Variants in GZF1 observed in about 807,000 individuals in gnomAD.
GZF1 encodes the protein GDNF-inducible zinc finger protein 1.
A neutral mutation model predicts 49.4 loss-of-function variants in GZF1; 28 were observed. The ratio of observed to expected loss-of-function variants is 0.57; its 90% CI spans 0.42 to 0.78. GZF1 has a LOEUF of 0.78. Among genes scored for constraint, GZF1 ranks in the 30% least tolerant of loss-of-function variants. The pLI is 0.00. For missense variants in GZF1, 798 were observed against 916.2 expected (o/e 0.87, Z 1.67); for synonymous variants, 364 against 356.0 (o/e 1.02, Z -0.25).
chr20:23,363,645 A>G (rs1980953305), intron 1 of GZF1, among the ~76,000 whole-genome samples: 1 of 152,218 alleles, frequency 6.6e-6, no homozygotes. Flanking sequence ...TGGGAAACCA[A>G]TAAACTAGCC....
intron 4 of GZF1, 78 bp downstream of exon 4, chr20:23,369,007 A>C: frequency 7.8e-7 from 1 of 1,281,430 alleles, no homozygotes; most frequent in Middle Eastern, 1.9e-4. Context: ...TTTACCAGTA[A>C]ATTACTTGGA....
At chr20:23,369,938 T>C (rs577271236) in intron 5 of GZF1, among the ~76,000 whole-genome samples, 153 bp from the exon 6 acceptor site, 1 of 152,284 alleles carries the variant, frequency 6.6e-6, no homozygotes, top group East Asian at 1.9e-4. Context: ...GAAAGCACCA[T>C]CCACGATGAC....
At position 23,370,167 on chromosome 20, in the gene GZF1, A is replaced by C; in HGVS notation, c.1862A>C (p.Lys621Thr). The C allele has an allele frequency of 6.2e-7, 1 of 1,614,262 alleles. No individual in the cohort carries two copies. The highest frequency in any genetic ancestry group is 8.5e-7 in the Non-Finnish European group (1 of 1,180,046). The change falls in exon 6 of 6, where the codon AAG (lysine) becomes ACG (threonine). Residue 621 changes from lysine to threonine, a missense_variant. Physicochemically the swap from Lys to Thr is moderately conservative, Grantham distance 78. Around this residue, in one of 3 missense-constraint regions of GZF1, gnomAD observed 446 missense variants for 540.1 expected, o/e 0.83. Coordinates refer to ENST00000338121, the MANE Select transcript of GZF1 (RefSeq NM_022482.5). ...DGSPKNDDGH[K>T]TEQPDEEYVS... ...TCGCCCAAGAACGATGACGGACACA[A>C]GACTGAACAGCCTGACGAAGAGTAT...
At chr20:23,369,814 C>G in intron 5 of GZF1, 73 bp downstream of exon 5, 2 of 1,492,852 alleles carry the variant, frequency 1.3e-6, no homozygotes, top group Non-Finnish European at 1.8e-6. Context: ...ATACCTACCA[C>G]CATTCTCCAA....
In GZF1 at chr20:23,372,765, C is replaced by A. The variant is rs1033971803; in HGVS notation, c.*2324C>A. 6.6e-6 allele frequency: 1 copy of A among 152,236 alleles called. No homozygotes were observed. Among genetic ancestry groups the A allele is most frequent in the Non-Finnish European group, 1.5e-5 (1 of 68,084 alleles). The allele number at this position is 152,236 out of a possible 1,614,324, so 9.4% of individuals were successfully genotyped here. A position where few individuals can be genotyped will look rare whatever the true frequency, so the allele number is the denominator to read the frequency against. The stretch of plus-strand genomic sequence containing the variant: ...AAGTGGCCAGGTGCCGGCACAGTGC[C>A]TCTCCCAGAGCCTCAAGAAGGGCCA... On this transcript the variant is annotated 3_prime_UTR_variant, in exon 6 of 6. Coordinates refer to ENST00000338121, the MANE Select transcript of GZF1 (RefSeq NM_022482.5).
Position 23,365,663 on chromosome 20 carries a change from GCA to G in GZF1, c.1288_1289del (p.Thr430GlyfsTer36). ...AAGACAGCGCTGCGGCTGCACGAGC[GCA>G]CACACACGGGAGACCGGCCCTACGG... On this transcript the variant is annotated frameshift_variant, in exon 2 of 6. Coordinates refer to ENST00000338121, the MANE Select transcript of GZF1 (RefSeq NM_022482.5). LOFTEE classifies it high-confidence loss of function. The G allele has an allele frequency of 6.3e-7, 1 of 1,599,490 alleles. No individual in the cohort carries two copies. Among genetic ancestry groups the G allele is most frequent in the Non-Finnish European group, 8.5e-7 (1 of 1,178,088 alleles).
intron 3 of GZF1, among the ~76,000 whole-genome samples, chr20:23,368,137 G>T (rs543617425): frequency 1.3e-5 from 2 of 152,326 alleles, no homozygotes; most frequent in African/African-American, 2.4e-5. Flanking sequence ...TGGGGACAAG[G>T]TCAGGTTATA....
rs144069529 is a variant in GZF1 at position 23,365,162 on chromosome 20, G to A, written c.779G>A (p.Cys260Tyr). Residue 260 changes from cysteine to tyrosine, a missense_variant, in exon 2 of 6, where the codon TGT becomes TAT. Cys to Tyr is a radical substitution (Grantham distance 194). Transcript: ENST00000338121. ...GAGGGTGATGTGGGGGACTACAGGT[G>A]TCCCCAGGACCAAAGCCCGGACAGG... ...TAEGDVGDYR[C>Y]PQDQSPDRVG... The A allele has an allele frequency of 2.5e-6, 4 of 1,613,580 alleles. No homozygotes were observed. The highest frequency in any genetic ancestry group is 2.7e-5 in the African/African-American group (2 of 74,888).
chr20:23,370,774 C>T lies in GZF1; in HGVS notation c.*333C>T. On this transcript the variant is annotated 3_prime_UTR_variant, in exon 6 of 6. Coordinates refer to ENST00000338121, the MANE Select transcript of GZF1 (RefSeq NM_022482.5). ...AACTGCTGGTCTTAATTGCAGAGTA[C>T]AGAGAACTGAACCAGCTCCTGATAT... 3.6e-6 allele frequency: 1 copy of T among 281,440 alleles called. No individual in the cohort carries two copies. Among genetic ancestry groups the T allele is most frequent in the Non-Finnish European group, 6.8e-6 (1 of 147,950 alleles). The allele number at this position is 281,440 out of a possible 1,614,324, so 17.4% of individuals were successfully genotyped here. A position where few individuals can be genotyped will look rare whatever the true frequency, so the allele number is the denominator to read the frequency against.
At position 23,364,834 on chromosome 20, in the gene GZF1, G is replaced by A. The variant is rs767723250; in HGVS notation, c.451G>A (p.Val151Met). 2.9e-5 allele frequency: 47 copies of A among 1,614,098 alleles called. No individual in the cohort carries two copies. Among genetic ancestry groups the A allele is most frequent in the Non-Finnish European group, 3.6e-5 (43 of 1,180,048 alleles). ...TTTCTCAGAGTCTCAGGAGGTGGAGGTGAGCAGTGGCTCCCAAGTTAGTGC... is the reference window on the plus strand; with the variant it reads ...TTTCTCAGAGTCTCAGGAGGTGGAGATGAGCAGTGGCTCCCAAGTTAGTGC... ...QNFSESQEVE[V>M]SSGSQVSAAP... The change falls in exon 2 of 6, where the codon GTG (valine) becomes ATG (methionine). Residue 151 changes from valine to methionine, a missense_variant. Coordinates refer to ENST00000338121, the MANE Select transcript of GZF1 (RefSeq NM_022482.5).
chr20:23,367,181 C>A (rs1981496157), intron 3 of GZF1, 84 bp downstream of exon 3: 5 of 970,144 alleles, frequency 5.2e-6, no homozygotes, highest in Non-Finnish European at 6.5e-6. Flanking sequence ...TTGGCATCTA[C>A]CAAGGTGGTG....
intron 5 of GZF1, 37 bp from the exon 6 acceptor site, chr20:23,370,052 GAC>G (rs763292222): frequency 2.8e-5 from 43 of 1,521,404 alleles, no homozygotes; most frequent in Non-Finnish European, 3.9e-5. Context: ...CTTGTCCAGA[GAC>G]ACATTCAGTG....
chr20:23,367,540 C>T (rs1024258750), intron 3 of GZF1, among the ~76,000 whole-genome samples: 1 of 152,058 alleles, frequency 6.6e-6, no homozygotes, highest in African/African-American at 2.4e-5. Flanking sequence ...GGCTTATGAC[C>T]CGGCTATTCA....
rs371399464 is a variant in GZF1 at position 23,365,280 on chromosome 20, G to A, written c.897G>A (p.Glu299=). Residue 299 remains glutamate (E), a synonymous_variant, in exon 2 of 6, where the codon GAG becomes GAA. Coordinates refer to ENST00000338121, the MANE Select transcript of GZF1 (RefSeq NM_022482.5). ...TGTCAAAGAAAGCAGGGCCGGAGGAGGAAGAGGAGGAGGAGGAGGAGGACG... is the reference window on the plus strand; with the variant it reads ...TGTCAAAGAAAGCAGGGCCGGAGGAAGAAGAGGAGGAGGAGGAGGAGGACG... The part of the protein sequence containing the change: ...EELSKKAGPE[E]EEEEEEEDEE... 8 of 1,606,818 alleles carry A rather than the reference G, an allele frequency of 5.0e-6. No homozygotes were observed. Among genetic ancestry groups the A allele is most frequent in the Middle Eastern group, 1.7e-4 (1 of 6,028 alleles).
chr20:23,361,648 C>T (rs1318985541), upstream of GZF1, among the ~76,000 whole-genome samples: 1 of 152,208 alleles, frequency 6.6e-6, no homozygotes, highest in East Asian at 1.9e-4. Context: ...GGCATCTGCG[C>T]CCCTAGTAGC....
At chr20:23,368,970 C>CA (rs3833333) in intron 4 of GZF1, 41 bp downstream of exon 4, 1,697 of 1,399,920 alleles carry the variant, frequency 1.2e-3, no homozygotes, top group South Asian at 2.3e-3. Context: ...TTAGTTTGGC[C>CA]AAAAAAAAAA....
intron 5 of GZF1, 95 bp downstream of exon 5, chr20:23,369,836 G>A (rs1981865371): frequency 7.3e-7 from 1 of 1,360,672 alleles, no homozygotes; most frequent in East Asian, 2.4e-5. Flanking sequence ...GTGGTTAGAG[G>A]TCGAGACAAC....
Position 23,370,802 on chromosome 20 carries a change from T to C in GZF1, c.*361T>C, listed in dbSNP as rs942925394. The C allele has an allele frequency of 4.9e-6, 1 of 204,898 alleles. No individual in the cohort carries two copies. The highest frequency in any genetic ancestry group is 2.4e-5 in the African/African-American group (1 of 42,056). 12.7% of individuals were successfully genotyped at this position (204,898 alleles called of 1,614,324 possible). On this transcript the variant is annotated 3_prime_UTR_variant, in exon 6 of 6. Transcript: ENST00000338121. The stretch of plus-strand genomic sequence containing the variant: ...AGAACTGAACCAGCTCCTGATATTG[T>C]AGTTAGCAGTCTTCCTGGCTTCTCA...
In GZF1 at chr20:23,365,732, T is replaced by C; in HGVS notation, c.1349T>C (p.Leu450Pro). 6.5e-7 allele frequency: 1 copy of C among 1,543,332 alleles called. No homozygotes were observed. Among genetic ancestry groups the C allele is most frequent in the Non-Finnish European group, 8.7e-7 (1 of 1,149,850 alleles). Residue 450 changes from leucine to proline, a missense_variant, in exon 2 of 6, where the codon CTC (leucine) becomes CCC (proline). Transcript: ENST00000338121. ...GCCAGGTTCTCGCAGCCGTCCGCGCTCAAGACGCACATGAGGTACGCGGGG... is the reference window on the plus strand; with the variant it reads ...GCCAGGTTCTCGCAGCCGTCCGCGCCCAAGACGCACATGAGGTACGCGGGG... ...CGARFSQPSA[L>P]KTHMRIHTGE...
Sources: gnomAD v4.1 joint callset for allele counts (sites outside exome capture counted in the v4.1 genomes callset) on GRCh38, gnomAD v4.1.1 for gene constraint, gnomAD v4.1.1 regional missense constraint, MANE v1.5 for transcripts, NCBI Gene and HGNC (gene_info 2026-07-23, HGNC 2026-07-21) for gene names.